TOM1L1: variants seen among roughly 807,000 people sequenced by gnomAD.
TOM1L1 encodes the protein TOM1-like protein 1.
Under a neutral mutation model 63.4 loss-of-function variants are expected in TOM1L1, and 64 were observed. The ratio of observed to expected loss-of-function variants is 1.01; its 90% CI spans 0.83 to 1.24. TOM1L1 has a LOEUF of 1.24. Ranked by LOEUF, TOM1L1 falls within the 50% of genes most tolerant of loss-of-function variation. The pLI is 0.00. For missense variants in TOM1L1, 536 were observed against 567.0 expected, an observed-to-expected ratio of 0.95 and a Z score of 0.55; for synonymous variants, 166 against 194.4, an observed-to-expected ratio of 0.85 and a Z score of 1.22.
chr17:54,911,833 T>A (rs1050941981), intron 3 of TOM1L1, among the ~76,000 whole-genome samples: 5 of 152,190 alleles, frequency 3.3e-5, no homozygotes, highest in African/African-American at 1.2e-4. Flanking sequence ...TTTTCCTCAA[T>A]TTCAGGGTAC....
intron 7 of TOM1L1, among the ~76,000 whole-genome samples, chr17:54,917,668 T>C (rs2048613940): frequency 6.6e-6 from 1 of 152,182 alleles, no homozygotes; most frequent in African/African-American, 2.4e-5. Context: ...CATTCTCCAG[T>C]GTTCAGCTGG....
intron 14 of TOM1L1, chr17:54,957,452 G>A (rs2076970771): frequency 6.6e-6 from 1 of 152,198 alleles, no homozygotes; most frequent in Non-Finnish European, 1.5e-5. Context: ...ACAGGTAGTG[G>A]AAAAGTTCTT....
At chr17:54,928,211 C>G (rs1353295048) in intron 7 of TOM1L1, among the ~76,000 whole-genome samples, 1 of 152,112 alleles carries the variant, frequency 6.6e-6, no homozygotes, top group Non-Finnish European at 1.5e-5. Context: ...TCTAGTTGAG[C>G]TTCTAGTGAC....
chr17:54,939,040 T>C lies in TOM1L1; in HGVS notation c.1130+20T>C, dbSNP rs1329208144. The stretch of plus-strand genomic sequence containing the variant: ...ACCCCCGTAAGTATGTCAGTAACAC[T>C]GCAGAACTAATATCATGACATTTAG... On this transcript the variant is annotated intron_variant, in intron 11 of 15. Coordinates refer to ENST00000575882, the MANE Select transcript of TOM1L1 (RefSeq NM_005486.3). The C allele has an allele frequency of 1.4e-6, 2 of 1,436,258 alleles. No individual in the cohort carries two copies. The highest frequency in any genetic ancestry group is 1.8e-5 in the Admixed American group (1 of 56,492). 89.0% of individuals were successfully genotyped at this position (1,436,258 alleles called of 1,614,324 possible). A position where few individuals can be genotyped will look rare whatever the true frequency, so the allele number is the denominator to read the frequency against.
chr17:54,950,355 C>T (rs1239955000), intron 14 of TOM1L1, among the ~76,000 whole-genome samples: 1 of 152,178 alleles, frequency 6.6e-6, no homozygotes, highest in Non-Finnish European at 1.5e-5. Flanking sequence ...TAAGAAATAA[C>T]TGGAACTAAC....
At chr17:54,945,145 G>A (rs954734135) in intron 11 of TOM1L1, among the ~76,000 whole-genome samples, 2 of 152,016 alleles carry the variant, frequency 1.3e-5, no homozygotes, top group African/African-American at 4.8e-5. Flanking sequence ...ATTCTTGCCT[G>A]TACCTTCACC....
chr17:54,920,956 G>GAC (rs59029836), intron 7 of TOM1L1, among the ~76,000 whole-genome samples: 48,383 of 151,954 alleles, frequency 0.32, 8,118 homozygotes, highest in African/African-American at 0.43. Context: ...AACCGACGCT[G>GAC]ACATGATTTG....
Position 54,950,147 on chromosome 17 carries a change from T to C in TOM1L1, c.1370+21T>C, listed in dbSNP as rs745930643. ...ACAGAGTAAGTCATTTACAAAATGA[T>C]TAATTTATTTTTTGTCTTGGTTCCC... On this transcript the variant is annotated intron_variant, in intron 14 of 15. Transcript: ENST00000575882. 8 of 1,582,062 alleles carry C rather than the reference T, an allele frequency of 5.1e-6. No individual in the cohort carries two copies. The Admixed American group carries it at 6.8e-5, about 13-fold the overall frequency.
chr17:54,927,976 T>G (rs2048795503), intron 7 of TOM1L1, among the ~76,000 whole-genome samples: 1 of 152,194 alleles, frequency 6.6e-6, no homozygotes, highest in Non-Finnish European at 1.5e-5. Context: ...TCAAATTAAT[T>G]TCTACATTTT....
At chr17:54,937,002 C>G in intron 9 of TOM1L1, 107 bp from the exon 10 acceptor site, 1 of 964,326 alleles carries the variant, frequency 1.0e-6, no homozygotes, top group South Asian at 1.5e-5. Flanking sequence ...AGAATTCTTC[C>G]TTAAAATGCA....
chr17:54,947,406 C>G, intron 12 of TOM1L1, 94 bp downstream of exon 12: 12 of 1,429,382 alleles, frequency 8.4e-6, no homozygotes, highest in Non-Finnish European at 1.2e-5. Flanking sequence ...ATGTTCTGCT[C>G]AGTATTGTGT....
rs1280167390 is a variant in TOM1L1, at chr17:54,905,533, A to T, written c.188A>T (p.Asn63Ile). 1 of 1,612,196 alleles carries T rather than the reference A, an allele frequency of 6.2e-7. No homozygotes were observed. The highest frequency in any genetic ancestry group is 8.5e-7 in the Non-Finnish European group (1 of 1,178,834). The change falls in exon 3 of 16, where the codon AAC becomes ATC. Residue 63 changes from asparagine to isoleucine, a missense_variant. Asn to Ile is a moderately radical substitution (Grantham distance 149). Coordinates refer to ENST00000575882, the MANE Select transcript of TOM1L1 (RefSeq NM_005486.3). ...GCTTTGAAGAAAAGGATTTCCAAAA[A>T]CTACAATCATAAAGAAATCCAACTT... ...VKALKKRISK[N>I]YNHKEIQLTL...
chr17:54,949,445 T>C, intron 12 of TOM1L1, 73 bp from the exon 13 acceptor site: 2 of 1,076,754 alleles, frequency 1.9e-6, no homozygotes, highest in East Asian at 2.4e-5. Context: ...TACTTGCAAG[T>C]GTAGGAGTCT....
rs2048579082 is a variant in TOM1L1, at chr17:54,915,845, G to A, written c.703G>A (p.Asp235Asn). The change falls in exon 7 of 16, where the codon GAC becomes AAC. Residue 235 changes from aspartate (D) to asparagine (N), a missense_variant. Coordinates refer to ENST00000575882, the MANE Select transcript of TOM1L1 (RefSeq NM_005486.3). ...ENTPGSENHE[D>N]IELLQKLYKT... is the part of the protein sequence containing the mutation. The stretch of plus-strand genomic sequence containing the variant: ...TACTCCTGGGTCTGAAAACCATGAA[G>A]ACATAGAGCTTCTGCAGGTGTTGTA... The A allele has an allele frequency of 1.9e-6, 3 of 1,613,340 alleles. No homozygotes were observed. The highest frequency in any genetic ancestry group is 1.7e-5 in the Admixed American group (1 of 59,960).
chr17:54,901,662 G>T (rs1164978398), intron 1 of TOM1L1, among the ~76,000 whole-genome samples: 1 of 152,104 alleles, frequency 6.6e-6, no homozygotes, highest in African/African-American at 2.4e-5. Flanking sequence ...GGAATTGGGT[G>T]TGGCACGAGT....
intron 5 of TOM1L1, among the ~76,000 whole-genome samples, chr17:54,914,081 G>T (rs994663190): frequency 1.3e-5 from 2 of 152,096 alleles, no homozygotes; most frequent in African/African-American, 4.8e-5. Context: ...AGTTTGTTTG[G>T]CATGTTCCAC....
At chr17:54,920,068 G>A (rs979336722) in intron 7 of TOM1L1, among the ~76,000 whole-genome samples, 4 of 151,812 alleles carry the variant, frequency 2.6e-5, no homozygotes, top group Non-Finnish European at 4.4e-5. Flanking sequence ...TCTTTAGGGT[G>A]TATTTTTTCA....
intron 9 of TOM1L1, 38 bp downstream of exon 9, chr17:54,936,747 C>T (rs766131554): frequency 1.3e-6 from 2 of 1,559,678 alleles, no homozygotes; most frequent in Admixed American, 2.0e-5. Context: ...AACAATTGAA[C>T]ATTTTGCCAA....
At chr17:54,901,090 C>A (rs2048319502) in intron 1 of TOM1L1, 167 bp downstream of exon 1, 2 of 898,156 alleles carry the variant, frequency 2.2e-6, no homozygotes, top group South Asian at 1.6e-5. Context: ...GGCCCCCTTT[C>A]GTCGTTTCCT....
Sources: allele counts gnomAD v4.1 joint callset (sites outside exome capture counted in the v4.1 genomes callset), GRCh38; gene constraint gnomAD v4.1.1; transcripts MANE v1.5; gene names NCBI Gene and HGNC (gene_info 2026-07-23, HGNC 2026-07-21).